The following PACRG variants were observed in gnomAD, a reference collection of about 807,000 sequenced individuals.
The protein encoded by PACRG is parkin coregulated gene protein.
In PACRG, 29 loss-of-function variants were observed where a neutral mutation model predicts 29.7. That is an observed-to-expected ratio of 0.98 (90% CI 0.73 to 1.33). The LOEUF is 1.33. Among genes scored for constraint, PACRG ranks in the 40% most tolerant of loss-of-function variants. The pLI is 0.00. For synonymous variants in PACRG, 116 were observed against 118.7 expected, an observed-to-expected ratio of 0.98 and a Z score of 0.15; for missense variants, 279 against 316.2, an observed-to-expected ratio of 0.88 and a Z score of 0.89.
At chr6:162,906,651 G>A (rs1177478509) in intron 2 of PACRG, among the ~76,000 whole-genome samples, 5 of 152,166 alleles carry the variant, frequency 3.3e-5, no homozygotes. Flanking sequence ...TCTTTCTTCC[G>A]TGGTGTTTAC....
chr6:163,125,436 G>GA (rs1340503251), intron 4 of PACRG, among the ~76,000 whole-genome samples: 2 of 152,160 alleles, frequency 1.3e-5, no homozygotes, highest in Non-Finnish European at 2.9e-5. Flanking sequence ...CACATACAGT[G>GA]AAAAAACTCA....
intron 2 of PACRG, among the ~76,000 whole-genome samples, chr6:162,992,374 CTCTTTTTGGT>C (rs1244538685): frequency 1.5e-5 from 2 of 136,962 alleles, no homozygotes; most frequent in Non-Finnish European, 3.1e-5. Context: ...TGGTCCTGGA[CTCTTTTTGGT>C]TGGTAAACTA....
chr6:162,873,865 A>G (rs531291540), intron 2 of PACRG, among the ~76,000 whole-genome samples: 1 of 152,242 alleles, frequency 6.6e-6, no homozygotes, highest in African/African-American at 2.4e-5. Flanking sequence ...TTTGCCTACC[A>G]TTCAGCAACA....
intron 4 of PACRG, among the ~76,000 whole-genome samples, chr6:163,168,628 A>C (rs1456963158): frequency 6.6e-6 from 1 of 152,226 alleles, no homozygotes; most frequent in Admixed American, 6.5e-5. Flanking sequence ...CTTTGGCCCA[A>C]CTGTATGTAA....
At chr6:162,888,058 G>A (rs1383063939) in intron 2 of PACRG, among the ~76,000 whole-genome samples, 1 of 152,152 alleles carries the variant, frequency 6.6e-6, no homozygotes, top group Non-Finnish European at 1.5e-5. Flanking sequence ...GCCTCAGGAG[G>A]AGATGAACGT....
chr6:163,054,894 C>A (rs533820964), intron 2 of PACRG, among the ~76,000 whole-genome samples: 2 of 152,176 alleles, frequency 1.3e-5, no homozygotes, highest in African/African-American at 2.4e-5. Context: ...CCGCCTCCCC[C>A]CTGGCTGTCT....
chr6:163,226,010 C>A (rs1781779766), intron 4 of PACRG, among the ~76,000 whole-genome samples: 1 of 152,084 alleles, frequency 6.6e-6, no homozygotes, highest in Non-Finnish European at 1.5e-5. Context: ...AAGACCCTGT[C>A]TCTACCAAAA....
intron 2 of PACRG, among the ~76,000 whole-genome samples, chr6:162,947,324 A>G (rs1199990134): frequency 1.2e-5 from 1 of 84,764 alleles, no homozygotes; most frequent in African/African-American, 4.1e-5. Context: ...CATATATAAT[A>G]CATATAATCA....
chr6:163,266,729 C>A (rs1783539312), intron 4 of PACRG, among the ~76,000 whole-genome samples: 1 of 152,152 alleles, frequency 6.6e-6, no homozygotes, highest in African/African-American at 2.4e-5. Flanking sequence ...CCTCATCTGA[C>A]AGATGAGGAA....
At chr6:162,873,603 A>T (rs974269202) in intron 2 of PACRG, among the ~76,000 whole-genome samples, 2 of 152,218 alleles carry the variant, frequency 1.3e-5, no homozygotes, top group Admixed American at 6.5e-5. Context: ...TGTTTTGGGC[A>T]TGAAACCAGC....
chr6:162,775,521 G>A lies in PACRG; in HGVS notation c.157-38626G>A, dbSNP rs1013499252. 2.0e-5 allele frequency among the ~76,000 whole-genome samples: 3 copies of A among 152,142 alleles called. No individual in the cohort carries two copies. The South Asian group carries it at 6.2e-4, about 31-fold the overall frequency. ...AACTTAAATGCCCTTTGATAACTATGTACTTGAGTCATAAGTAATTATGTA... is the reference window on the plus strand; with the variant it reads ...AACTTAAATGCCCTTTGATAACTATATACTTGAGTCATAAGTAATTATGTA... On this transcript the variant is annotated intron_variant, in intron 1 of 4. Coordinates refer to ENST00000366888, the MANE Select transcript of PACRG (RefSeq NM_001080379.2).
intron 4 of PACRG, among the ~76,000 whole-genome samples, chr6:163,092,576 G>C (rs951288414): frequency 6.6e-6 from 1 of 152,168 alleles, no homozygotes; most frequent in African/African-American, 2.4e-5. Flanking sequence ...TGGTAGTGTA[G>C]ACTAAACAGT....
chr6:163,274,864 T>G (rs1024963251), intron 4 of PACRG, among the ~76,000 whole-genome samples: 1 of 143,600 alleles, frequency 7.0e-6, no homozygotes, highest in Non-Finnish European at 1.5e-5. Context: ...TTTCTTTCTT[T>G]TTTTTTTTTT....
chr6:162,889,793 A>T (rs1432242509), intron 2 of PACRG, among the ~76,000 whole-genome samples: 1 of 152,224 alleles, frequency 6.6e-6, no homozygotes, highest in Admixed American at 6.5e-5. Context: ...TTCGATATGC[A>T]CTTACATACT....
intron 4 of PACRG, among the ~76,000 whole-genome samples, chr6:163,151,449 A>T (rs1286949387): frequency 6.6e-6 from 1 of 152,190 alleles, no homozygotes; most frequent in South Asian, 2.1e-4. Context: ...CTTTTGTTCC[A>T]GTCCTGAGAA....
intron 4 of PACRG, among the ~76,000 whole-genome samples, chr6:163,285,761 A>G (rs1051246125): frequency 3.9e-5 from 6 of 152,226 alleles, no homozygotes; most frequent in African/African-American, 9.6e-5. Flanking sequence ...ATGGATGCAT[A>G]TACTATGTGC....
At chr6:163,167,716 C>CA (rs1296819927) in intron 4 of PACRG, among the ~76,000 whole-genome samples, 1 of 152,132 alleles carries the variant, frequency 6.6e-6, no homozygotes, top group Non-Finnish European at 1.5e-5. Flanking sequence ...GTCATAGAAT[C>CA]AAGGGCTAGA....
intron 4 of PACRG, among the ~76,000 whole-genome samples, chr6:163,206,947 A>ATTT (rs1029616440): frequency 6.6e-6 from 1 of 151,702 alleles, no homozygotes; most frequent in East Asian, 1.9e-4. Flanking sequence ...ATCATACTTC[A>ATTT]TTTTTTTTCT....
chr6:162,928,479 T>G (rs1361036529), intron 2 of PACRG, among the ~76,000 whole-genome samples: 2 of 152,062 alleles, frequency 1.3e-5, no homozygotes, highest in Non-Finnish European at 1.5e-5. Context: ...TTAAATTTTT[T>G]GTATTGATAC....
Sources: gnomAD v4.1 joint callset for allele counts (sites outside exome capture counted in the v4.1 genomes callset) on GRCh38, gnomAD v4.1.1 for gene constraint, MANE v1.5 for transcripts, NCBI Gene and HGNC (gene_info 2026-07-23, HGNC 2026-07-21) for gene names.